PARD3: variants seen among roughly 807,000 people sequenced by gnomAD.
PARD3 encodes par-3 family cell polarity regulator.
In PARD3, 75 loss-of-function variants were observed where a neutral mutation model predicts 155.4. The observed-to-expected ratio is 0.48, with a 90% confidence interval of 0.40 to 0.58. The LOEUF is 0.58. PARD3 is among the 20% of genes least tolerant of loss of function. The pLI, the probability that PARD3 is intolerant of heterozygous loss-of-function variation, is 0.00. For synonymous variants in PARD3, 576 were observed against 610.5 expected (o/e 0.94, Z 0.83); for missense variants, 1,642 against 1,721.7 (o/e 0.95, Z 0.82).
At position 34,359,148 on chromosome 10, in the gene PARD3, T is replaced by A; in HGVS notation, c.2066A>T (p.Glu689Val). Reference protein sequence around the residue: ...IVARRISKCNELKSPGSPPGP... With the variant: ...IVARRISKCNVLKSPGSPPGP... ...CTAGCACTTTTTTGCATTTCTTACC[T>A]CATTGCACTTGCTTATTCTCCTTGC... Residue 689 changes from glutamate to valine, a missense_variant and splice_region_variant, in exon 14 of 25, where the codon GAG (glutamate) becomes GTG (valine). Physicochemically the swap from Glu to Val is moderately radical, Grantham distance 121. Around this residue, in one of 3 missense-constraint regions of PARD3, gnomAD observed 1,529 missense variants for 1,587.3 expected, o/e 0.96. Transcript: ENST00000374788. 6.2e-7 allele frequency: 1 copy of A among 1,610,508 alleles called. No homozygotes were observed. Among genetic ancestry groups the A allele is most frequent in the Non-Finnish European group, 8.5e-7 (1 of 1,178,450 alleles).
chr10:34,179,117 A>T (rs1262842328), intron 22 of PARD3, among the ~76,000 whole-genome samples: 1 of 152,226 alleles, frequency 6.6e-6, no homozygotes, highest in Non-Finnish European at 1.5e-5. Context: ...TGTCCTTCTA[A>T]CACAGAAATA....
intron 22 of PARD3, among the ~76,000 whole-genome samples, chr10:34,208,475 C>T (rs116271431): frequency 8.5e-5 from 13 of 152,322 alleles, no homozygotes; most frequent in African/African-American, 3.1e-4. Context: ...TTGCCAGGAC[C>T]ACCAGGGGAA....
chr10:34,669,196 T>C (rs1384256254), intron 2 of PARD3, among the ~76,000 whole-genome samples: 1 of 152,098 alleles, frequency 6.6e-6, no homozygotes, highest in Admixed American at 6.6e-5. Context: ...ATAGCAAAGA[T>C]AGGGAATCAA....
chr10:34,475,481 G>A (rs180699166), intron 3 of PARD3, among the ~76,000 whole-genome samples: 32 of 152,172 alleles, frequency 2.1e-4, no homozygotes, highest in Non-Finnish European at 1.5e-4. Context: ...ACCATAACTC[G>A]ACCAGTGGTG....
In PARD3 at chr10:34,706,472, C is replaced by A. The variant is rs747855876; in HGVS notation, c.121-10053G>T. 4.2e-4 allele frequency among the ~76,000 whole-genome samples: 64 copies of A among 152,206 alleles called. 1 individual carries two copies. The highest frequency in any genetic ancestry group is 8.8e-5 in the Non-Finnish European group (6 of 68,042). On this transcript the variant is annotated intron_variant, in intron 1 of 24. Coordinates refer to ENST00000374788, the MANE Select transcript of PARD3 (RefSeq NM_001184785.2). ...ACATAAAGAGAAGATCCAGGCCAGGCGTGGTGGCCCACACCTGTAATCCCA... is the reference window on the plus strand; with the variant it reads ...ACATAAAGAGAAGATCCAGGCCAGGAGTGGTGGCCCACACCTGTAATCCCA...
chr10:34,257,516 G>A (rs1202001315), intron 22 of PARD3, among the ~76,000 whole-genome samples: 2 of 152,198 alleles, frequency 1.3e-5, no homozygotes, highest in African/African-American at 4.8e-5. Context: ...GGCAGCTCCA[G>A]GAGATTTTGA....
intron 1 of PARD3, among the ~76,000 whole-genome samples, chr10:34,793,445 T>C (rs997973789): frequency 1.3e-5 from 2 of 152,186 alleles, no homozygotes; most frequent in South Asian, 2.1e-4. Flanking sequence ...ACAGAACCCA[T>C]GGAGTTCTCT....
At chr10:34,430,528 ATAAC>A (rs1481169706) in intron 5 of PARD3, among the ~76,000 whole-genome samples, 1 of 152,232 alleles carries the variant, frequency 6.6e-6, no homozygotes, top group Non-Finnish European at 1.5e-5. Flanking sequence ...GGTAACTAAA[ATAAC>A]TAACACTGAT....
In PARD3 at chr10:34,517,143, T is replaced by C; in HGVS notation, c.239A>G (p.Asp80Gly). Residue 80 changes from aspartate to glycine, a missense_variant, in exon 3 of 25, where the codon GAT (aspartate) becomes GGT (glycine). Asp to Gly is a moderately conservative substitution (Grantham distance 94, BLOSUM62 -1). Transcript: ENST00000374788. The stretch of plus-strand genomic sequence containing the variant: ...ACCTCCGTGATGTGGATCCTGCTCA[T>C]CAAACACTGCTACCAGCTAGAAATG... ...DDKDRLVAVF[D>G]EQDPHHGGDG... 6.2e-7 allele frequency: 1 copy of C among 1,614,032 alleles called. No homozygotes were observed. The highest frequency in any genetic ancestry group is 8.5e-7 in the Non-Finnish European group (1 of 1,179,984).
At chr10:34,145,221 A>ATATATTTTTTTTT (rs1491430560) in intron 22 of PARD3, among the ~76,000 whole-genome samples, 2 of 33,970 alleles carry the variant, frequency 5.9e-5, no homozygotes, top group African/African-American at 2.7e-4. Context: ...ATATATATAT[A>ATATATTTTTTTTT]TTTTTTTTTT....
chr10:34,417,179 A>T (rs1845754479), intron 5 of PARD3, among the ~76,000 whole-genome samples: 1 of 150,500 alleles, frequency 6.6e-6, no homozygotes, highest in African/African-American at 2.5e-5. Context: ...TTAAGTTATA[A>T]CTCCAGTTCT....
At chr10:34,560,386 A>T (rs1413582227) in intron 2 of PARD3, among the ~76,000 whole-genome samples, 7 of 152,200 alleles carry the variant, frequency 4.6e-5, no homozygotes, top group African/African-American at 7.2e-5. Context: ...CTAAGCAGAC[A>T]TTTGTATATA....
chr10:34,480,329 G>T (rs1428512202), intron 3 of PARD3, among the ~76,000 whole-genome samples: 2 of 152,144 alleles, frequency 1.3e-5, no homozygotes, highest in African/African-American at 4.8e-5. Flanking sequence ...TGGAACTCCT[G>T]GGCTTAGTGC....
intron 1 of PARD3, among the ~76,000 whole-genome samples, chr10:34,799,134 C>T (rs1041851952): frequency 2.6e-5 from 4 of 152,134 alleles, no homozygotes; most frequent in East Asian, 1.9e-4. Flanking sequence ...CTCCACCTCC[C>T]GGGATCAAGC....
intron 2 of PARD3, among the ~76,000 whole-genome samples, chr10:34,605,180 ATTTTTTTTTTTTT>A (rs750688603): frequency 2.2e-4 from 14 of 62,482 alleles, no homozygotes; most frequent in Admixed American, 2.0e-3. Flanking sequence ...CCAAAATGAA[ATTTTTTTTTTTTT>A]TTTTTTTTTT....
At chr10:34,715,069 G>A (rs1470850770) in intron 1 of PARD3, among the ~76,000 whole-genome samples, 1 of 138,288 alleles carries the variant, frequency 7.2e-6, no homozygotes, top group African/African-American at 2.7e-5. Flanking sequence ...ACCACACCTA[G>A]CCTAACCTTT....
intron 5 of PARD3, among the ~76,000 whole-genome samples, chr10:34,417,068 A>G (rs1480166387): frequency 1.3e-5 from 2 of 152,122 alleles, no homozygotes; most frequent in South Asian, 2.1e-4. Flanking sequence ...CCACACCCCT[A>G]TGATTTCATC....
intron 2 of PARD3, among the ~76,000 whole-genome samples, chr10:34,583,677 G>T (rs2087720400): frequency 6.6e-6 from 1 of 152,060 alleles, no homozygotes; most frequent in African/African-American, 2.4e-5. Flanking sequence ...ATCTTCCAGA[G>T]GTTACTGCAC....
At chr10:34,605,624 CTATA>C (rs1157349132) in intron 2 of PARD3, among the ~76,000 whole-genome samples, 1 of 24,302 alleles carries the variant, frequency 4.1e-5, no homozygotes, top group Admixed American at 4.6e-4. Flanking sequence ...TATATATCTC[CTATA>C]TATATATATC....
Sources: allele counts gnomAD v4.1 joint callset (sites outside exome capture counted in the v4.1 genomes callset), GRCh38; gene constraint gnomAD v4.1.1; regional missense constraint gnomAD v4.1.1; transcripts MANE v1.5; gene names NCBI Gene and HGNC (gene_info 2026-07-23, HGNC 2026-07-21).